UBE2E2: variants seen among roughly 807,000 people sequenced by gnomAD.
UBE2E2 encodes the protein ubiquitin conjugating enzyme E2 E2, also known as ubiquitin-conjugating enzyme E2 E2.
In UBE2E2, 6 loss-of-function variants were observed where a neutral mutation model predicts 24.7. That is an observed-to-expected ratio of 0.24 (90% confidence interval 0.13 to 0.48). The LOEUF (loss-of-function observed/expected upper bound fraction) is 0.48. Ranked by LOEUF, UBE2E2 falls within the 20% of genes least tolerant of loss-of-function variation. The probability of loss-of-function intolerance (pLI) is 0.99; values close to 1 mark genes in which losing one functional copy is unlikely to be tolerated. For synonymous variants in UBE2E2, 104 were observed against 83.6 expected (o/e 1.24, Z -1.33); for missense variants, 169 against 245.0 (o/e 0.69, Z 2.07).
At chr3:23,251,593 G>C (rs748068721) in intron 3 of UBE2E2, among the ~76,000 whole-genome samples, 35 of 152,178 alleles carry the variant, frequency 2.3e-4, no homozygotes, top group Non-Finnish European at 4.6e-4. Context: ...AAAGGAGCTT[G>C]TCTCTCTTAA....
chr3:23,456,286 A>G (rs1698677857), intron 3 of UBE2E2, among the ~76,000 whole-genome samples: 2 of 152,186 alleles, frequency 1.3e-5, no homozygotes, highest in Admixed American at 6.5e-5. Context: ...GAGAGTTGGA[A>G]TCAACTTCTA....
intron 3 of UBE2E2, among the ~76,000 whole-genome samples, chr3:23,451,263 T>C (rs1698557004): frequency 6.6e-6 from 1 of 152,188 alleles, no homozygotes; most frequent in Non-Finnish European, 1.5e-5. Flanking sequence ...TCATGTCAAA[T>C]TTGTCCTGCT....
At chr3:23,255,351 C>T (rs1697693010) in intron 3 of UBE2E2, among the ~76,000 whole-genome samples, 1 of 151,812 alleles carries the variant, frequency 6.6e-6, no homozygotes, top group African/African-American at 2.4e-5. Context: ...TCCTCAGCCT[C>T]CCAAAGTGCT....
chr3:23,236,489 T>C (rs903540593), intron 3 of UBE2E2, among the ~76,000 whole-genome samples: 1 of 151,814 alleles, frequency 6.6e-6, no homozygotes, highest in African/African-American at 2.4e-5. Context: ...GGTCCTTTTT[T>C]TTTTTTTTTT....
intron 3 of UBE2E2, among the ~76,000 whole-genome samples, chr3:23,373,242 T>C (rs776413856): frequency 9.9e-5 from 15 of 152,128 alleles, no homozygotes; most frequent in Non-Finnish European, 2.2e-4. Flanking sequence ...AAACACCAGG[T>C]TGGTGGAAAT....
At chr3:23,547,461 C>T (rs915235307) in intron 5 of UBE2E2, among the ~76,000 whole-genome samples, 1 of 152,146 alleles carries the variant, frequency 6.6e-6, no homozygotes, top group Non-Finnish European at 1.5e-5. Flanking sequence ...TTTATTGGTT[C>T]ATTTGTTTTG....
intron 3 of UBE2E2, among the ~76,000 whole-genome samples, chr3:23,236,978 C>T (rs760507873): frequency 1.3e-5 from 2 of 152,170 alleles, no homozygotes; most frequent in Admixed American, 6.6e-5. Flanking sequence ...CTCTTCCCAG[C>T]GCACCCGTGG....
intron 3 of UBE2E2, among the ~76,000 whole-genome samples, chr3:23,283,477 G>A (rs1036946524): frequency 6.6e-6 from 1 of 152,160 alleles, no homozygotes; most frequent in Non-Finnish European, 1.5e-5. Flanking sequence ...GTTCACGCCT[G>A]TAATCCCAGC....
chr3:23,271,813 A>G (rs894630749), intron 3 of UBE2E2, among the ~76,000 whole-genome samples: 3 of 151,810 alleles, frequency 2.0e-5, no homozygotes, highest in African/African-American at 7.3e-5. Flanking sequence ...AAGGTTCTCC[A>G]AGCCCCCACC....
intron 5 of UBE2E2, among the ~76,000 whole-genome samples, chr3:23,562,817 A>G (rs1299431023): frequency 2.0e-5 from 3 of 152,142 alleles, no homozygotes; most frequent in Non-Finnish European, 4.4e-5. Context: ...AGTGTCCAGG[A>G]ATTTATCCAT....
chr3:23,381,938 G>C (rs1696680185), intron 3 of UBE2E2, among the ~76,000 whole-genome samples: 1 of 152,110 alleles, frequency 6.6e-6, no homozygotes, highest in Non-Finnish European at 1.5e-5. Flanking sequence ...GCTTACTGTG[G>C]GGTCTCACAA....
At chr3:23,230,033 A>G (rs1696931929) in intron 3 of UBE2E2, among the ~76,000 whole-genome samples, 2 of 152,198 alleles carry the variant, frequency 1.3e-5, no homozygotes. Context: ...GTGTATAAAT[A>G]CATATATACA....
At chr3:23,379,855 G>A (rs966977283) in intron 3 of UBE2E2, among the ~76,000 whole-genome samples, 5 of 152,078 alleles carry the variant, frequency 3.3e-5, no homozygotes, top group African/African-American at 9.7e-5. Context: ...GCAGAAAGGA[G>A]TTTGGTCCGT....
chr3:23,326,225 C>T (rs1326115750), intron 3 of UBE2E2, among the ~76,000 whole-genome samples: 1 of 152,168 alleles, frequency 6.6e-6, no homozygotes, highest in African/African-American at 2.4e-5. Context: ...GCGCCTGCCA[C>T]CAAGCCTGGC....
intron 3 of UBE2E2, among the ~76,000 whole-genome samples, chr3:23,260,075 G>T (rs1283753918): frequency 6.6e-6 from 1 of 152,086 alleles, no homozygotes; most frequent in Non-Finnish European, 1.5e-5. Flanking sequence ...CATCACAATG[G>T]TGTCCTAGAT....
intron 3 of UBE2E2, among the ~76,000 whole-genome samples, chr3:23,345,931 G>A (rs754832291): frequency 1.3e-5 from 2 of 152,162 alleles, no homozygotes; most frequent in Non-Finnish European, 1.5e-5. Context: ...TGTAGAGGAG[G>A]AAGAAAAACA....
chr3:23,465,581 A>C (rs898517390), intron 3 of UBE2E2, among the ~76,000 whole-genome samples: 1 of 152,176 alleles, frequency 6.6e-6, no homozygotes, highest in Admixed American at 6.5e-5. Context: ...CAAATTGGAA[A>C]TTCATTAGCC....
chr3:23,329,520 A>G (rs1300751171), intron 3 of UBE2E2, among the ~76,000 whole-genome samples: 1 of 152,256 alleles, frequency 6.6e-6, no homozygotes. Flanking sequence ...GACGCAAGGA[A>G]TTTAAATATT....
At chr3:23,308,614 G>A (rs966039680) in intron 3 of UBE2E2, among the ~76,000 whole-genome samples, 1 of 152,128 alleles carries the variant, frequency 6.6e-6, no homozygotes, top group Non-Finnish European at 1.5e-5. Flanking sequence ...ACATCTGTTA[G>A]TCTCAAAATT....
Sources: gnomAD v4.1 joint callset for allele counts (sites outside exome capture counted in the v4.1 genomes callset) on GRCh38, gnomAD v4.1.1 for gene constraint, MANE v1.5 for transcripts, NCBI Gene and HGNC (gene_info 2026-07-23, HGNC 2026-07-21) for gene names.